The following SLC24A2 variants were observed in gnomAD, a reference collection of about 807,000 sequenced individuals.
SLC24A2 encodes sodium/potassium/calcium exchanger 2.
Under a neutral mutation model 62.0 loss-of-function variants are expected in SLC24A2, and 36 were observed. The observed-to-expected ratio is 0.58, with a 90% confidence interval of 0.44 to 0.77. The LOEUF (loss-of-function observed/expected upper bound fraction) is 0.77. Ranked by LOEUF, SLC24A2 falls within the 30% of genes least tolerant of loss-of-function variation. The pLI is 0.00. For synonymous variants in SLC24A2, 358 were observed against 294.0 expected (o/e 1.22, Z -2.23); for missense variants, 846 against 817.9 (o/e 1.03, Z -0.42).
the SLC24A2 span, among the ~76,000 whole-genome samples, chr9:20,248,451 T>C: frequency 2.4e-3 from 365 of 152,338 alleles, 4 homozygotes; most frequent in African/African-American, 8.4e-3. Flanking sequence ...ACAGATCTAG[T>C]TTATGGTGAA....
chr9:19,530,943 C>T (rs1263488070), intron 8 of SLC24A2, among the ~76,000 whole-genome samples: 2 of 152,168 alleles, frequency 1.3e-5, no homozygotes, highest in Non-Finnish European at 2.9e-5. Flanking sequence ...TATACTGACT[C>T]TTTCCTAAAG....
chr9:19,592,291 A>T (rs1836575992), intron 5 of SLC24A2, among the ~76,000 whole-genome samples: 1 of 152,180 alleles, frequency 6.6e-6, no homozygotes, highest in Non-Finnish European at 1.5e-5. Flanking sequence ...TTTGCCCTTG[A>T]TATCACAACT....
chr9:20,251,150 C>T, the SLC24A2 span, among the ~76,000 whole-genome samples: 27 of 152,178 alleles, frequency 1.8e-4, no homozygotes, highest in African/African-American at 6.3e-4. Flanking sequence ...ACACAACCAA[C>T]CTTTGGGAAA....
At chr9:20,195,554 AG>A in the SLC24A2 span, among the ~76,000 whole-genome samples, 1 of 152,014 alleles carries the variant, frequency 6.6e-6, no homozygotes, top group Non-Finnish European at 1.5e-5. Context: ...TCAATTTGTA[AG>A]TTATTCATAT....
the SLC24A2 span, among the ~76,000 whole-genome samples, chr9:20,229,384 C>G: frequency 1.3e-5 from 2 of 152,084 alleles, no homozygotes; most frequent in African/African-American, 2.4e-5. Context: ...AGTGAATAGG[C>G]TAATATATAT....
chr9:20,169,024 A>G, the SLC24A2 span, among the ~76,000 whole-genome samples: 2 of 152,092 alleles, frequency 1.3e-5, no homozygotes, highest in Non-Finnish European at 2.9e-5. Flanking sequence ...CAGTCATTAA[A>G]AGAAATGACA....
intron 7 of SLC24A2, among the ~76,000 whole-genome samples, chr9:19,572,090 AC>A (rs35637772): frequency 0.71 from 106,505 of 150,358 alleles, 38,721 homozygotes; most frequent in South Asian, 0.86. Flanking sequence ...ATCAACTGAA[AC>A]CCCATCTCTA....
At chr9:19,913,724 G>T in the SLC24A2 span, among the ~76,000 whole-genome samples, 1 of 152,006 alleles carries the variant, frequency 6.6e-6, no homozygotes, top group Non-Finnish European at 1.5e-5. Context: ...CAGGAACTTT[G>T]CTAGGTATAA....
the SLC24A2 span, among the ~76,000 whole-genome samples, chr9:20,018,503 TCTC>T: frequency 6.6e-5 from 10 of 152,288 alleles, no homozygotes; most frequent in Non-Finnish European, 1.2e-4. Flanking sequence ...TTCTTCTCCT[TCTC>T]CTCCTCCACC....
chr9:19,547,445 G>C (rs142642179), intron 8 of SLC24A2, among the ~76,000 whole-genome samples: 1 of 152,130 alleles, frequency 6.6e-6, no homozygotes, highest in Non-Finnish European at 1.5e-5. Flanking sequence ...CCCACGTAAC[G>C]ACTGCCTTGA....
At chr9:20,278,994 G>T in the SLC24A2 span, among the ~76,000 whole-genome samples, 1 of 152,116 alleles carries the variant, frequency 6.6e-6, no homozygotes, top group African/African-American at 2.4e-5. Flanking sequence ...AAGCAAACAT[G>T]TCCTTCTTCA....
chr9:20,133,176 G>A, the SLC24A2 span, among the ~76,000 whole-genome samples: 1 of 151,940 alleles, frequency 6.6e-6, no homozygotes, highest in African/African-American at 2.4e-5. Flanking sequence ...GACTTGCTTA[G>A]CCCTTGCTTT....
At chr9:20,087,177 T>C in the SLC24A2 span, among the ~76,000 whole-genome samples, 1 of 152,236 alleles carries the variant, frequency 6.6e-6, no homozygotes, top group Non-Finnish European at 1.5e-5. Flanking sequence ...TAGTTCATTC[T>C]GGTCCCAAAT....
At chr9:20,245,822 G>A in the SLC24A2 span, among the ~76,000 whole-genome samples, 1 of 152,140 alleles carries the variant, frequency 6.6e-6, no homozygotes, top group African/African-American at 2.4e-5. Flanking sequence ...CTTTTACTGT[G>A]TGCTATTATA....
chr9:19,912,636 T>C, the SLC24A2 span, among the ~76,000 whole-genome samples: 1 of 152,144 alleles, frequency 6.6e-6, no homozygotes, highest in South Asian at 2.1e-4. Context: ...ACAAATTGGA[T>C]AAATAAATCA....
chr9:20,133,200 C>T, the SLC24A2 span, among the ~76,000 whole-genome samples: 1 of 152,004 alleles, frequency 6.6e-6, no homozygotes, highest in Admixed American at 6.6e-5. Flanking sequence ...AAAGCCAATT[C>T]CTTGTAATAA....
At chr9:19,695,679 CAAAAAA>C (rs66668393) in intron 2 of SLC24A2, among the ~76,000 whole-genome samples, 3 of 73,536 alleles carry the variant, frequency 4.1e-5, no homozygotes, top group Non-Finnish European at 7.2e-5. Context: ...TTGTTAGTAG[CAAAAAA>C]AAAAAAAAAA....
chr9:19,696,907 C>A (rs972635537), intron 2 of SLC24A2, among the ~76,000 whole-genome samples: 3 of 151,966 alleles, frequency 2.0e-5, no homozygotes, highest in African/African-American at 7.3e-5. Flanking sequence ...TTTCTAATAA[C>A]CAGGTATATA....
At chr9:20,212,427 G>C in the SLC24A2 span, among the ~76,000 whole-genome samples, 1 of 151,838 alleles carries the variant, frequency 6.6e-6, no homozygotes, top group Non-Finnish European at 1.5e-5. Flanking sequence ...AAAGCGGACA[G>C]ATCACTTGAG....
Sources: gnomAD v4.1 joint callset for allele counts (sites outside exome capture counted in the v4.1 genomes callset) on GRCh38, gnomAD v4.1.1 for gene constraint, MANE v1.5 for transcripts, NCBI Gene and HGNC (gene_info 2026-07-23, HGNC 2026-07-21) for gene names.